PLXDC1: variants seen among roughly 807,000 people sequenced by gnomAD.
PLXDC1 encodes plexin domain-containing protein 1.
In PLXDC1, 39 loss-of-function variants were observed where a neutral mutation model predicts 61.3. The ratio of observed to expected loss-of-function variants is 0.64; its 90% confidence interval spans 0.49 to 0.83. The LOEUF (loss-of-function observed/expected upper bound fraction) is 0.83. Ranked by LOEUF, PLXDC1 falls within the 40% of genes least tolerant of loss-of-function variation. The pLI is 0.00. For missense variants in PLXDC1, 596 were observed against 666.5 expected, an observed-to-expected ratio of 0.89 and a Z score of 1.17; for synonymous variants, 212 against 254.5, an observed-to-expected ratio of 0.83 and a Z score of 1.59.
chr17:39,124,799 G>A (rs1911267848), intron 2 of PLXDC1, among the ~76,000 whole-genome samples: 1 of 152,092 alleles, frequency 6.6e-6, no homozygotes, highest in Non-Finnish European at 1.5e-5. Flanking sequence ...CATACAATGA[G>A]GCTGGCACTC....
intron 1 of PLXDC1, among the ~76,000 whole-genome samples, chr17:39,143,605 C>T (rs867973290): frequency 7.9e-5 from 12 of 152,264 alleles, no homozygotes; most frequent in African/African-American, 2.9e-4. Flanking sequence ...CAGGCCCAGG[C>T]CTGGGGCTGA....
chr17:39,135,210 G>A (rs1046365355), intron 2 of PLXDC1, among the ~76,000 whole-genome samples: 1 of 152,220 alleles, frequency 6.6e-6, no homozygotes, highest in Non-Finnish European at 1.5e-5. Context: ...AGGCAGAGCC[G>A]GGGACAAGCC....
At chr17:39,106,465 C>G (rs561665666) in intron 6 of PLXDC1, among the ~76,000 whole-genome samples, 1 of 151,950 alleles carries the variant, frequency 6.6e-6, no homozygotes, top group African/African-American at 2.4e-5. Context: ...CACTCTCTCC[C>G]TTCCAACCAT....
chr17:39,128,462 C>T (rs973763623), intron 2 of PLXDC1, among the ~76,000 whole-genome samples: 3 of 151,232 alleles, frequency 2.0e-5, no homozygotes, highest in Admixed American at 6.6e-5. Context: ...TCAGATGATC[C>T]GCCCACCCAG....
intron 2 of PLXDC1, among the ~76,000 whole-genome samples, chr17:39,137,951 T>C (rs1177846015): frequency 1.3e-5 from 2 of 152,060 alleles, no homozygotes; most frequent in Non-Finnish European, 2.9e-5. Flanking sequence ...CTTTCTTTTA[T>C]ATTTTTTCGG....
chr17:39,104,856 G>C (rs955557403), intron 7 of PLXDC1, among the ~76,000 whole-genome samples: 1 of 152,188 alleles, frequency 6.6e-6, no homozygotes, highest in African/African-American at 2.4e-5. Context: ...TATCTCAACA[G>C]TGCCTGGAAC....
At chr17:39,129,711 GGAAA>G (rs905924810) in intron 2 of PLXDC1, among the ~76,000 whole-genome samples, 1,192 of 108,328 alleles carry the variant, frequency 0.011, 19 homozygotes, top group African/African-American at 0.039. Flanking sequence ...AAAGAAAGAA[GGAAA>G]GAAAGAAAGA....
chr17:39,125,915 T>C (rs1911297592), intron 2 of PLXDC1, among the ~76,000 whole-genome samples: 1 of 152,182 alleles, frequency 6.6e-6, no homozygotes, highest in Non-Finnish European at 1.5e-5. Flanking sequence ...TTGGATGACT[T>C]CCTCTGCTTC....
chr17:39,112,457 CTTTTTTTTT>C (rs11448360), intron 2 of PLXDC1, among the ~76,000 whole-genome samples: 1 of 121,114 alleles, frequency 8.3e-6, no homozygotes, highest in African/African-American at 3.1e-5. Context: ...TTTTTTCTTT[CTTTTTTTTT>C]TTTTTTTTTG....
At chr17:39,078,981 G>T in intron 10 of PLXDC1, 123 bp downstream of exon 10, 1 of 759,782 alleles carries the variant, frequency 1.3e-6, no homozygotes, top group Non-Finnish European at 2.3e-6. Flanking sequence ...TTAGATGGAA[G>T]GGAGGATATT....
intron 2 of PLXDC1, among the ~76,000 whole-genome samples, chr17:39,122,788 C>T (rs149409440): frequency 2.0e-4 from 30 of 152,310 alleles, no homozygotes; most frequent in African/African-American, 7.2e-4. Flanking sequence ...TGCAAGAAGC[C>T]CTGATCAATA....
intron 12 of PLXDC1, among the ~76,000 whole-genome samples, chr17:39,070,697 G>A (rs190323689): frequency 6.6e-6 from 1 of 152,200 alleles, no homozygotes; most frequent in Non-Finnish European, 1.5e-5. Flanking sequence ...ACTGGCAGGG[G>A]CTGGCCGCAG....
At position 39,067,633 on chromosome 17, in the gene PLXDC1, C is replaced by G; in HGVS notation, c.*207G>C. ...ACAGGATGAGATTAGGTTGTTGTTC[C>G]TATAAAAAATCCATGTGGTTGTTTT... On this transcript the variant is annotated 3_prime_UTR_variant, in exon 14 of 14. Transcript: ENST00000315392. 2 of 516,944 alleles carry G rather than the reference C, an allele frequency of 3.9e-6. No individual in the cohort carries two copies. Among genetic ancestry groups the G allele is most frequent in the Non-Finnish European group, 6.9e-6 (2 of 289,482 alleles). The allele number at this position is 516,944 out of a possible 1,614,324, so 32.0% of individuals were successfully genotyped here. A position where few individuals can be genotyped will look rare whatever the true frequency, so the allele number is the denominator to read the frequency against.
intron 9 of PLXDC1, chr17:39,079,404 G>A (rs1444177180): frequency 8.7e-6 from 5 of 572,626 alleles, no homozygotes; most frequent in Non-Finnish European, 1.7e-5. Context: ...GTGAGTAGGT[G>A]TAGGGGCTAG....
intron 2 of PLXDC1, among the ~76,000 whole-genome samples, chr17:39,131,299 C>T (rs1911552231): frequency 6.6e-6 from 1 of 152,114 alleles, no homozygotes; most frequent in South Asian, 2.1e-4. Context: ...ATCTGCACTC[C>T]ACCTCCTGCC....
Position 39,069,910 on chromosome 17 carries a change from A to G in PLXDC1, c.1329T>C (p.Ala443=), listed in dbSNP as rs1456346848. The change falls in exon 13 of 14, where the codon GCT becomes GCC. Residue 443 remains alanine, a synonymous_variant. Transcript: ENST00000315392. The stretch of plus-strand genomic sequence containing the variant: ...TGGGGTGGCCATTGATGTAAATTCC[A>G]GCCAGGATGATGGCCGCCACGAGGA... ...AVLLVAAIIL[A]GIYINGHPTS... The G allele has an allele frequency of 6.2e-7, 1 of 1,613,968 alleles. No homozygotes were observed. The highest frequency in any genetic ancestry group is 8.5e-7 in the Non-Finnish European group (1 of 1,179,860).
intron 2 of PLXDC1, among the ~76,000 whole-genome samples, chr17:39,129,751 G>GAAAGAAAGGAAAGA (rs1490164090): frequency 9.2e-5 from 13 of 141,498 alleles, no homozygotes; most frequent in African/African-American, 3.4e-4. Flanking sequence ...GGAAAGAAAA[G>GAAAGAAAGGAAAGA]CAAGAAAGAA....
At chr17:39,100,201 C>T (rs746241906) in intron 7 of PLXDC1, among the ~76,000 whole-genome samples, 2 of 152,198 alleles carry the variant, frequency 1.3e-5, no homozygotes, top group Non-Finnish European at 2.9e-5. Flanking sequence ...CCACCTGCCA[C>T]CCCATCACGG....
At chr17:39,149,715 G>A (rs2338581) in intron 1 of PLXDC1, among the ~76,000 whole-genome samples, 13,155 of 152,014 alleles carry the variant, frequency 0.087, 641 homozygotes, top group East Asian at 0.12. Flanking sequence ...AGCCAGGCCC[G>A]GGTCTGGCCA....
Sources: gnomAD v4.1 joint callset for allele counts (sites outside exome capture counted in the v4.1 genomes callset) on GRCh38, gnomAD v4.1.1 for gene constraint, MANE v1.5 for transcripts, NCBI Gene and HGNC (gene_info 2026-07-23, HGNC 2026-07-21) for gene names.